Variants in MYO1B observed in about 807,000 individuals in gnomAD.
The protein encoded by MYO1B is myosin IB, also known as unconventional myosin-Ib.
In MYO1B, 72 loss-of-function variants were observed where a neutral mutation model predicts 159.7. The observed-to-expected ratio is 0.45, with a 90% CI of 0.37 to 0.55. MYO1B has a LOEUF of 0.55. Among genes scored for constraint, MYO1B ranks in the 20% least tolerant of loss-of-function variants. MYO1B has a pLI of 0.00. For missense variants in MYO1B, 1,062 were observed against 1,364.8 expected (o/e 0.78, Z 3.50); for synonymous variants, 468 against 473.8 (o/e 0.99, Z 0.16).
Position 191,272,779 on chromosome 2 carries a change from C to G in MYO1B, c.-9-4108C>G, listed in dbSNP as rs189350490. The stretch of plus-strand genomic sequence containing the variant: ...GGTCCAAGTCTCAAGATACCACGGG[C>G]CATGGTTTAGTCCACTATTTCACTA... On this transcript the variant is annotated intron_variant, in intron 1 of 30. Transcript: ENST00000392318. 2.0e-5 allele frequency among the ~76,000 whole-genome samples: 3 copies of G among 152,234 alleles called. No individual in the cohort carries two copies. The East Asian group carries it at 5.8e-4, about 29-fold the overall frequency.
chr2:191,415,408 G>A (rs182664089), intron 29 of MYO1B, among the ~76,000 whole-genome samples: 1 of 152,200 alleles, frequency 6.6e-6, no homozygotes, highest in Non-Finnish European at 1.5e-5. Context: ...GCTTCCCTTA[G>A]CCTGTTTACC....
intron 25 of MYO1B, 54 bp from the exon 26 acceptor site, chr2:191,408,988 CAG>C: frequency 6.5e-7 from 1 of 1,535,454 alleles, no homozygotes; most frequent in South Asian, 1.2e-5. Flanking sequence ...GTATGTAAAA[CAG>C]TGTCTTTTGT....
intron 29 of MYO1B, 60 bp from the exon 30 acceptor site, chr2:191,416,055 G>A (rs1199922512): frequency 6.4e-7 from 1 of 1,557,494 alleles, no homozygotes; most frequent in East Asian, 2.3e-5. Flanking sequence ...AGCCAAGCCT[G>A]TAAATATTGA....
At chr2:191,421,281 G>C (rs914121046) in intron 30 of MYO1B, among the ~76,000 whole-genome samples, 1 of 151,882 alleles carries the variant, frequency 6.6e-6, no homozygotes, top group African/African-American at 2.4e-5. Flanking sequence ...TCTTGGCCAG[G>C]CTGGTTCCAA....
intron 3 of MYO1B, among the ~76,000 whole-genome samples, chr2:191,314,601 T>C (rs1690227503): frequency 6.6e-6 from 1 of 152,210 alleles, no homozygotes; most frequent in African/African-American, 2.4e-5. Flanking sequence ...GCCAATGCAA[T>C]GTTAATGTTT....
intron 13 of MYO1B, among the ~76,000 whole-genome samples, chr2:191,374,762 C>A (rs996418246): frequency 1.3e-5 from 2 of 152,202 alleles, no homozygotes; most frequent in African/African-American, 4.8e-5. Flanking sequence ...CCTGGTAGAA[C>A]AGAAGACCAA....
chr2:191,246,505 A>G (rs1230647339), intron 1 of MYO1B: 1 of 152,094 alleles, frequency 6.6e-6, no homozygotes, highest in Middle Eastern at 3.2e-3. Flanking sequence ...GGCGTTCCCA[A>G]TGTTAGATTG....
At position 191,274,141 on chromosome 2, in the gene MYO1B, C is replaced by CA. The variant is rs1477757347; in HGVS notation, c.-9-2743dup. ...CTAAATGCTAAAAAGATAAACAAAA[C>CA]AAAGCAAAACTGTTTGCATGATTCA... On this transcript the variant is annotated intron_variant, in intron 1 of 30. Coordinates refer to ENST00000392318, the MANE Select transcript of MYO1B (RefSeq NM_001130158.3). Among the ~76,000 whole-genome samples the CA allele has an allele frequency of 2.6e-5, 4 of 152,268 alleles. No homozygotes were observed. The East Asian group carries it at 7.7e-4, about 29-fold the overall frequency.
At chr2:191,312,103 T>C (rs1357697634) in intron 3 of MYO1B, among the ~76,000 whole-genome samples, 1 of 152,248 alleles carries the variant, frequency 6.6e-6, no homozygotes, top group Non-Finnish European at 1.5e-5. Context: ...ACTTTAACTT[T>C]CTTTGATGTT....
chr2:191,390,150 A>G (rs1355746266), intron 17 of MYO1B, 142 bp from the exon 18 acceptor site: 3 of 731,762 alleles, frequency 4.1e-6, no homozygotes, highest in Non-Finnish European at 6.2e-6. Flanking sequence ...GATTTGAAAT[A>G]ATTTCAAAAG....
chr2:191,275,370 A>G (rs977768260), intron 1 of MYO1B, among the ~76,000 whole-genome samples: 1 of 151,908 alleles, frequency 6.6e-6, no homozygotes, highest in African/African-American at 2.4e-5. Flanking sequence ...TTGGCTTTTC[A>G]TAGCCAAAAA....
chr2:191,285,593 T>A (rs908435829), intron 2 of MYO1B, among the ~76,000 whole-genome samples: 9 of 152,050 alleles, frequency 5.9e-5, no homozygotes, highest in Non-Finnish European at 1.2e-4. Flanking sequence ...AAATAAAATA[T>A]CAATGGGATC....
At chr2:191,393,348 T>C (rs1257527587) in intron 20 of MYO1B, 126 bp downstream of exon 20, 1 of 1,100,172 alleles carries the variant, frequency 9.1e-7, no homozygotes, top group East Asian at 2.6e-5. Context: ...ATAATGGATG[T>C]TCTTAATGGT....
chr2:191,409,578 T>C (rs984890823), intron 26 of MYO1B, among the ~76,000 whole-genome samples: 2 of 152,244 alleles, frequency 1.3e-5, no homozygotes, highest in Non-Finnish European at 2.9e-5. Flanking sequence ...GAGTTTACTT[T>C]ATCAGATGTA....
intron 1 of MYO1B, among the ~76,000 whole-genome samples, chr2:191,257,094 G>C (rs961313226): frequency 6.6e-6 from 1 of 152,012 alleles, no homozygotes; most frequent in Non-Finnish European, 1.5e-5. Flanking sequence ...TTTACCTACT[G>C]TCATGCAGAA....
intron 3 of MYO1B, among the ~76,000 whole-genome samples, chr2:191,312,444 G>A (rs1023682258): frequency 3.9e-5 from 6 of 151,952 alleles, no homozygotes; most frequent in Non-Finnish European, 8.8e-5. Context: ...AAACACATAT[G>A]GTCCATATTG....
At chr2:191,338,184 T>G (rs1691981418) in intron 4 of MYO1B, among the ~76,000 whole-genome samples, 1 of 151,342 alleles carries the variant, frequency 6.6e-6, no homozygotes, top group Non-Finnish European at 1.5e-5. Flanking sequence ...ATAGTGTGAT[T>G]TTTTTTTTTG....
intron 13 of MYO1B, among the ~76,000 whole-genome samples, chr2:191,373,396 T>G (rs1374462144): frequency 6.6e-6 from 1 of 152,184 alleles, no homozygotes; most frequent in Non-Finnish European, 1.5e-5. Flanking sequence ...TAGACAGTAG[T>G]CTCTGGAGTA....
chr2:191,387,180 A>G, intron 16 of MYO1B, 44 bp from the exon 17 acceptor site: 2 of 1,558,134 alleles, frequency 1.3e-6, no homozygotes, highest in South Asian at 1.1e-5. Flanking sequence ...TTGACATTAT[A>G]GCATGCAATG....
Sources: allele counts gnomAD v4.1 joint callset (sites outside exome capture counted in the v4.1 genomes callset), GRCh38; gene constraint gnomAD v4.1.1; transcripts MANE v1.5; gene names NCBI Gene and HGNC (gene_info 2026-07-23, HGNC 2026-07-21).